The following PCDHA9 variants were observed in gnomAD, a reference collection of about 807,000 sequenced individuals.
PCDHA9 encodes the protein protocadherin alpha 9.
Under a neutral mutation model 62.0 loss-of-function variants are expected in PCDHA9, and 62 were observed. The observed-to-expected ratio is 1.00, with a 90% CI of 0.81 to 1.23. The LOEUF (loss-of-function observed/expected upper bound fraction) is 1.23, where lower values mean the gene tolerates loss of function less well. Ranked by LOEUF, PCDHA9 falls within the 50% of genes most tolerant of loss-of-function variation. The probability of loss-of-function intolerance (pLI) is 0.00; values close to 1 mark genes in which losing one functional copy is unlikely to be tolerated. For missense variants in PCDHA9, 1,205 were observed against 1,249.8 expected, an observed-to-expected ratio of 0.96 and a Z score of 0.54; for synonymous variants, 557 against 567.6, an observed-to-expected ratio of 0.98 and a Z score of 0.27.
At chr5:140,912,243 AATCTCCTTTGATGAC>A (rs2075829981) in intron 1 of PCDHA9, among the ~76,000 whole-genome samples, 1 of 152,012 alleles carries the variant, frequency 6.6e-6, no homozygotes, top group Admixed American at 6.6e-5. Context: ...CTCAAATGTT[AATCTCCTTTGATGAC>A]ACCCTCACAG....
intron 1 of PCDHA9, chr5:140,857,524 T>G (rs251363): frequency 0.63 from 998,871 of 1,597,030 alleles, 345,157 homozygotes; most frequent in African/African-American, 0.69. Context: ...TGTCCTACTC[T>G]CTGGTGGAGC....
chr5:140,926,767 C>A (rs1323702990), intron 1 of PCDHA9: 1 of 1,359,024 alleles, frequency 7.4e-7, no homozygotes, highest in East Asian at 2.7e-5. Context: ...AGTATCCAGC[C>A]CGCAGCAGTG....
chr5:140,999,537 C>G, intron 3 of PCDHA9, among the ~76,000 whole-genome samples: 1 of 152,266 alleles, frequency 6.6e-6, no homozygotes, highest in Non-Finnish European at 1.5e-5. Context: ...CTGGATATGA[C>G]AGCCAATGAA....
At chr5:140,921,998 A>G (rs1247902071) in intron 1 of PCDHA9, among the ~76,000 whole-genome samples, 3 of 152,206 alleles carry the variant, frequency 2.0e-5, no homozygotes, top group African/African-American at 7.2e-5. Flanking sequence ...AGTTCAATGA[A>G]ATGATTAGTT....
chr5:140,903,172 C>T (rs2070066511), intron 1 of PCDHA9, among the ~76,000 whole-genome samples: 1 of 152,152 alleles, frequency 6.6e-6, no homozygotes, highest in Non-Finnish European at 1.5e-5. Flanking sequence ...GGTTTACATT[C>T]CCACCAATAG....
rs549678873 is a variant in PCDHA9, at chr5:140,877,710, G to GA, written c.2394+26822dup. ...CGCTGGTGTGCTCCAGCGCCGTGGG[G>GA]AGTTGGTCTTACTCGCAGCAGAGGA... is the stretch of plus-strand genomic sequence containing the variant. On this transcript the variant is annotated intron_variant, in intron 1 of 3. Transcript: ENST00000532602. 3.7e-5 allele frequency: 60 copies of GA among 1,614,098 alleles called. 1 individual carries two copies. The Admixed American group carries it at 8.2e-4, about 22-fold the overall frequency.
chr5:140,876,195 G>A (rs1554168359), intron 1 of PCDHA9: 2 of 1,613,944 alleles, frequency 1.2e-6, no homozygotes, highest in Admixed American at 1.7e-5. Flanking sequence ...ATGGTCCGGC[G>A]TTTGATAAGC....
In PCDHA9 at chr5:140,997,052, G is replaced by A. The variant is rs1410360967; in HGVS notation, c.2543-12575G>A. On this transcript the variant is annotated intron_variant, in intron 3 of 3. Transcript: ENST00000532602. ...AAATTAATGAACTTTACTTTTTAGAGCAGTTTTAGGTTCACAGGAAAGTTG... is the reference window on the plus strand; with the variant it reads ...AAATTAATGAACTTTACTTTTTAGAACAGTTTTAGGTTCACAGGAAAGTTG... Among the ~76,000 whole-genome samples, 5 of 152,148 alleles carry A rather than the reference G, an allele frequency of 3.3e-5. No homozygotes were observed. The East Asian group carries it at 9.6e-4, about 29-fold the overall frequency.
At chr5:140,857,246 T>C in intron 1 of PCDHA9, 1 of 1,598,642 alleles carries the variant, frequency 6.3e-7, no homozygotes, top group Non-Finnish European at 8.6e-7. Context: ...GGTGTCCACC[T>C]ACAAGAATTA....
At chr5:140,981,342 G>A (rs2096927846) in intron 2 of PCDHA9, among the ~76,000 whole-genome samples, 1 of 152,176 alleles carries the variant, frequency 6.6e-6, no homozygotes, top group African/African-American at 2.4e-5. Flanking sequence ...GGGAGGGTGA[G>A]GCAGGTGGAT....
chr5:140,928,252 G>A (rs1377533547), intron 1 of PCDHA9: 3 of 1,614,206 alleles, frequency 1.9e-6, no homozygotes, highest in East Asian at 2.2e-5. Flanking sequence ...GGAACTTTTC[G>A]TTGCTGAAAA....
rs1554149241 is a variant in PCDHA9, at chr5:140,856,873, A to C, written c.2394+5984A>C. The C allele has an allele frequency of 1.9e-6, 3 of 1,595,922 alleles. 1 individual carries two copies. The African/African-American group carries it at 4.0e-5, about 21-fold the overall frequency. On this transcript the variant is annotated intron_variant, in intron 1 of 3. Transcript: ENST00000532602. ...ATTCGGATGAAGGAATAAACAAGGA[A>C]ATGATGTATTCATTTAGCTCTTTGG...
At chr5:140,959,751 T>C (rs553950058) in intron 1 of PCDHA9, among the ~76,000 whole-genome samples, 12 of 152,210 alleles carry the variant, frequency 7.9e-5, no homozygotes, top group Non-Finnish European at 1.8e-4. Flanking sequence ...CCTTAAAGTA[T>C]ATTTTAATAT....
intron 1 of PCDHA9, among the ~76,000 whole-genome samples, chr5:140,893,945 A>T (rs1293077869): frequency 6.6e-6 from 1 of 152,180 alleles, no homozygotes; most frequent in Non-Finnish European, 1.5e-5. Flanking sequence ...TTAATTCTGC[A>T]TGACTTTATT....
intron 1 of PCDHA9, chr5:140,869,389 T>G (rs949262123): frequency 1.9e-6 from 3 of 1,614,180 alleles, no homozygotes; most frequent in Admixed American, 3.3e-5. Flanking sequence ...CGAGGAGCTG[T>G]GCGGGCAGAG....
At chr5:140,959,754 T>C (rs1265254392) in intron 1 of PCDHA9, among the ~76,000 whole-genome samples, 1 of 152,222 alleles carries the variant, frequency 6.6e-6, no homozygotes, top group East Asian at 1.9e-4. Flanking sequence ...TAAAGTATAT[T>C]TTAATATTCA....
chr5:140,955,297 T>C (rs2153705828), intron 1 of PCDHA9, among the ~76,000 whole-genome samples: 1 of 152,262 alleles, frequency 6.6e-6, no homozygotes, highest in East Asian at 1.9e-4. Context: ...TTTGGCTGTG[T>C]CCCCACCCAA....
chr5:140,969,549 C>G (rs1213967618), intron 1 of PCDHA9: 33 of 1,238,058 alleles, frequency 2.7e-5, no homozygotes, highest in Non-Finnish European at 3.4e-5. Flanking sequence ...AGGCATGAAG[C>G]CTTGTCCATA....
intron 1 of PCDHA9, chr5:140,929,159 A>C (rs781818133): frequency 1.2e-6 from 2 of 1,613,968 alleles, no homozygotes; most frequent in African/African-American, 1.3e-5. Context: ...ACTTATCTCT[A>C]TCGGGCCTCT....
Sources: allele counts gnomAD v4.1 joint callset (sites outside exome capture counted in the v4.1 genomes callset), GRCh38; gene constraint gnomAD v4.1.1; transcripts MANE v1.5; gene names NCBI Gene and HGNC (gene_info 2026-07-23, HGNC 2026-07-21).